LAMB4: variants seen among roughly 807,000 people sequenced by gnomAD.
The protein encoded by LAMB4 is laminin subunit beta 4, also known as laminin subunit beta-4.
Under a neutral mutation model 199.2 loss-of-function variants are expected in LAMB4, and 196 were observed. The ratio of observed to expected loss-of-function variants is 0.98; its 90% CI spans 0.88 to 1.11. The LOEUF is 1.11. LAMB4 is among the 50% of genes least tolerant of loss of function. The probability of loss-of-function intolerance (pLI) is 0.00; values close to 1 mark genes in which losing one functional copy is unlikely to be tolerated. For synonymous variants in LAMB4, 744 were observed against 770.6 expected (o/e 0.97, Z 0.57); for missense variants, 2,080 against 2,171.2 (o/e 0.96, Z 0.83).
chr7:108,021,685 G>A (rs2034697387), downstream of LAMB4, among the ~76,000 whole-genome samples: 1 of 151,996 alleles, frequency 6.6e-6, no homozygotes, highest in Non-Finnish European at 1.5e-5. Context: ...CTCCAGCCTG[G>A]GCAACAAGAG....
Position 108,111,958 on chromosome 7 carries a change from C to T in LAMB4, c.193-12G>A, listed in dbSNP as rs756655626. The T allele has an allele frequency of 1.3e-6, 2 of 1,581,640 alleles. No homozygotes were observed. Among genetic ancestry groups the T allele is most frequent in the South Asian group, 1.2e-5 (1 of 83,398 alleles). On this transcript the variant is annotated splice_polypyrimidine_tract_variant and intron_variant, in intron 3 of 33. Transcript: ENST00000388781. ...CATTTTTGTTCCCCCTGGAAAACACCATTATTAAAATTAAAAATAAAAATT... is the reference window on the plus strand; with the variant it reads ...CATTTTTGTTCCCCCTGGAAAACACTATTATTAAAATTAAAAATAAAAATT...
chr7:108,092,526 C>T, intron 12 of LAMB4, 110 bp from the exon 13 acceptor site: 1 of 792,080 alleles, frequency 1.3e-6, no homozygotes. Flanking sequence ...AGCCAAACAG[C>T]CTGCACCATC....
At chr7:108,073,843 C>T (rs2036610620) in intron 17 of LAMB4, among the ~76,000 whole-genome samples, 3 of 152,228 alleles carry the variant, frequency 2.0e-5, no homozygotes, top group Admixed American at 6.5e-5. Context: ...CTGGTGTACT[C>T]ATCCTGTAGT....
At position 108,095,330 on chromosome 7, in the gene LAMB4, G is replaced by A; in HGVS notation, c.1368C>T (p.Asp456=). ...ATDPLGCQPC[D]CNPLGSLPFL... ...ATGGCAGACTCCCAAGGGGGTTACA[G>A]TCGCAGGCTGAAAGCACAGCATACA... Residue 456 remains aspartate, a synonymous_variant, in exon 12 of 34, where the codon GAC becomes GAT. Coordinates refer to ENST00000388781, the MANE Select transcript of LAMB4 (RefSeq NM_007356.3). The A allele has an allele frequency of 6.2e-7, 1 of 1,611,700 alleles. No homozygotes were observed. Among genetic ancestry groups the A allele is most frequent in the Non-Finnish European group, 8.5e-7 (1 of 1,178,050 alleles).
chr7:108,056,866 A>T (rs1429347211), intron 24 of LAMB4, among the ~76,000 whole-genome samples: 1 of 150,348 alleles, frequency 6.7e-6, no homozygotes, highest in Non-Finnish European at 1.5e-5. Context: ...GCTACTCTGG[A>T]GGCTGAGGTG....
In LAMB4 at chr7:108,116,166, A is replaced by G. The variant is rs1156410325; in HGVS notation, c.35-5T>C. 1 of 1,612,874 alleles carries G rather than the reference A, an allele frequency of 6.2e-7. No homozygotes were observed. The highest frequency in any genetic ancestry group is 8.5e-7 in the Non-Finnish European group (1 of 1,179,172). On this transcript the variant is annotated splice_polypyrimidine_tract_variant and splice_region_variant and intron_variant, in intron 2 of 33. Coordinates refer to ENST00000388781, the MANE Select transcript of LAMB4 (RefSeq NM_007356.3). ...CTTTTGAGTAACTGAGCCACCCTTG[A>G]ACACAACAGAAATAGCTTACACGGA...
chr7:108,082,779 A>G (rs1002255554), intron 14 of LAMB4, among the ~76,000 whole-genome samples: 3 of 152,210 alleles, frequency 2.0e-5, no homozygotes, highest in African/African-American at 7.2e-5. Context: ...AAGACAGTAC[A>G]TAAAAACACT....
At chr7:108,028,982 A>G in intron 33 of LAMB4, 61 bp downstream of exon 33, 3 of 1,432,606 alleles carry the variant, frequency 2.1e-6, no homozygotes, top group Non-Finnish European at 1.9e-6. Context: ...AAATTCTACT[A>G]GTAAGGTAGA....
At chr7:108,033,682 T>G (rs1256056429) in intron 31 of LAMB4, among the ~76,000 whole-genome samples, 1 of 151,958 alleles carries the variant, frequency 6.6e-6, no homozygotes, top group Non-Finnish European at 1.5e-5. Context: ...GTGCTGGGAT[T>G]ACAGGTGTGA....
At chr7:108,027,789 TG>T (rs2150480496) in intron 33 of LAMB4, among the ~76,000 whole-genome samples, 1 of 152,350 alleles carries the variant, frequency 6.6e-6, no homozygotes, top group South Asian at 2.1e-4. Flanking sequence ...TTATGTTTTT[TG>T]TTTTGTTTTT....
At chr7:108,078,900 C>G (rs184728300) in intron 15 of LAMB4, among the ~76,000 whole-genome samples, 2 of 152,308 alleles carry the variant, frequency 1.3e-5, no homozygotes, top group African/African-American at 2.4e-5. Flanking sequence ...CATTTCAAAG[C>G]AGATCAGCTG....
intron 17 of LAMB4, among the ~76,000 whole-genome samples, chr7:108,071,375 G>A (rs912124492): frequency 4.6e-5 from 7 of 152,146 alleles, no homozygotes; most frequent in Non-Finnish European, 8.8e-5. Flanking sequence ...CTACTTCCTA[G>A]GTGATCTTGG....
chr7:108,047,976 G>A lies in LAMB4; in HGVS notation c.4258C>T (p.Gln1420Ter), dbSNP rs2035689645. Residue 1420 changes from glutamine to a stop codon, truncating the protein, a stop_gained, in exon 28 of 34, where the codon CAA becomes TAA. Transcript: ENST00000388781. LOFTEE classifies it high-confidence loss of function. ...GSLTLSTNAL[Q>*]KAQEAKSIIR... ...ATGGATTTTGCTTCCTGGGCTTTTT[G>A]GAGGGCATTCGTTGAGAGGGTCAGG... is the stretch of plus-strand genomic sequence containing the variant. 3 of 1,614,166 alleles carry A rather than the reference G, an allele frequency of 1.9e-6. No homozygotes were observed. The highest frequency in any genetic ancestry group is 1.7e-6 in the Non-Finnish European group (2 of 1,180,030).
In LAMB4 at chr7:108,043,761, AG is replaced by A. The variant is rs753073142; in HGVS notation, c.4461del (p.Leu1489CysfsTer2). On this transcript the variant is annotated frameshift_variant, in exon 29 of 34. Coordinates refer to ENST00000388781, the MANE Select transcript of LAMB4 (RefSeq NM_007356.3). LOFTEE classifies it high-confidence loss of function. ...NINLFIKKVK[N>X]FLLEENVPPE... ...TATATTTTTAAATTACCTAACAAAA[AG>A]TTTTTCACTTTTTTGATGAAAAGAT... 2 of 1,573,514 alleles carry A rather than the reference AG, an allele frequency of 1.3e-6. No individual in the cohort carries two copies.
At chr7:108,067,353 A>G (rs886208657) in intron 19 of LAMB4, among the ~76,000 whole-genome samples, 1 of 152,188 alleles carries the variant, frequency 6.6e-6, no homozygotes, top group Non-Finnish European at 1.5e-5. Flanking sequence ...AAATTAACCT[A>G]CCTGTAGGTT....
chr7:108,083,616 T>C (rs917037834), intron 14 of LAMB4, among the ~76,000 whole-genome samples: 2 of 152,200 alleles, frequency 1.3e-5, no homozygotes, highest in Non-Finnish European at 2.9e-5. Context: ...CCCTTAAAGA[T>C]GCAGCTGAAG....
intron 28 of LAMB4, among the ~76,000 whole-genome samples, chr7:108,045,880 A>G (rs1359313278): frequency 6.6e-6 from 1 of 152,146 alleles, no homozygotes; most frequent in Non-Finnish European, 1.5e-5. Context: ...ATGTAGGGAT[A>G]TGTTCCAGAT....
intron 33 of LAMB4, among the ~76,000 whole-genome samples, chr7:108,028,482 T>A (rs2034915627): frequency 6.8e-6 from 1 of 147,462 alleles, no homozygotes; most frequent in South Asian, 2.2e-4. Context: ...ATTTTTTTTT[T>A]TTTTTTTTTT....
chr7:108,069,945 T>C lies in LAMB4; in HGVS notation c.2125-60A>G, dbSNP rs1239175744. ...ACTATCTGCTGTGTACGATTCTACT[T>C]ACATATAAAAAAATTAGATCTATGA... is the stretch of plus-strand genomic sequence containing the variant. On this transcript the variant is annotated intron_variant, in intron 17 of 33. Transcript: ENST00000388781. The C allele has an allele frequency of 2.9e-6, 4 of 1,371,334 alleles. No homozygotes were observed. The East Asian group carries it at 6.9e-5, about 24-fold the overall frequency. 84.9% of individuals were successfully genotyped at this position (1,371,334 alleles called of 1,614,324 possible).
Sources: allele counts gnomAD v4.1 joint callset (sites outside exome capture counted in the v4.1 genomes callset), GRCh38; gene constraint gnomAD v4.1.1; transcripts MANE v1.5; gene names NCBI Gene and HGNC (gene_info 2026-07-23, HGNC 2026-07-21).